Variants in STK39 observed in about 807,000 individuals in gnomAD.
STK39 encodes the protein serine/threonine kinase 39, also known as STE20/SPS1-related proline-alanine-rich protein kinase.
In STK39, 20 loss-of-function variants were observed where a neutral mutation model predicts 77.8. The observed-to-expected ratio is 0.26, with a 90% confidence interval of 0.18 to 0.37. STK39 has a LOEUF of 0.37. Ranked by LOEUF, STK39 falls within the 10% of genes least tolerant of loss-of-function variation. The probability of loss-of-function intolerance (pLI) is 1.00; values close to 1 mark genes in which losing one functional copy is unlikely to be tolerated. For missense variants in STK39, 479 were observed against 656.5 expected, an observed-to-expected ratio of 0.73 and a Z score of 2.95; for synonymous variants, 246 against 234.1, an observed-to-expected ratio of 1.05 and a Z score of -0.47.
intron 1 of STK39, among the ~76,000 whole-genome samples, chr2:168,231,534 T>C (rs1690455407): frequency 6.6e-6 from 1 of 151,880 alleles, no homozygotes; most frequent in South Asian, 2.1e-4. Context: ...CCAGAGCTGC[T>C]GCAAGAACAT....
At position 168,010,951 on chromosome 2, in the gene STK39, A is replaced by G. The variant is rs115745996; in HGVS notation, c.1498+1683T>C. On this transcript the variant is annotated intron_variant, in intron 16 of 17. Transcript: ENST00000355999. Reference sequence around the variant, plus strand: ...AAACTCCCTCTCAGTCATATACTCTAGCATTATTGGGGAAGGACTTATTTT... The same window carrying G: ...AAACTCCCTCTCAGTCATATACTCTGGCATTATTGGGGAAGGACTTATTTT... 7.4e-3 allele frequency among the ~76,000 whole-genome samples: 1,128 copies of G among 152,286 alleles called. 20 individuals are homozygous for G. The highest frequency in any genetic ancestry group is 0.026 in the African/African-American group (1,079 of 41,544).
intron 10 of STK39, among the ~76,000 whole-genome samples, chr2:168,082,466 T>A (rs1686259740): frequency 6.6e-6 from 1 of 152,240 alleles, no homozygotes; most frequent in Non-Finnish European, 1.5e-5. Context: ...AATGACTTCC[T>A]AATAGTGTAA....
chr2:167,982,873 C>G (rs1015688582), intron 16 of STK39, among the ~76,000 whole-genome samples: 4 of 152,104 alleles, frequency 2.6e-5, no homozygotes, highest in African/African-American at 7.2e-5. Flanking sequence ...TGTTACTCAC[C>G]CCATCTCACA....
intron 16 of STK39, among the ~76,000 whole-genome samples, chr2:167,993,669 G>A (rs968116812): frequency 2.0e-5 from 3 of 152,124 alleles, no homozygotes; most frequent in Non-Finnish European, 4.4e-5. Flanking sequence ...CAGTATGTGA[G>A]CTAAAGTCCT....
chr2:168,171,844 G>C lies in STK39; in HGVS notation c.322-4437C>G, dbSNP rs1255955271. Among the ~76,000 whole-genome samples, 173 of 108,578 alleles carry C rather than the reference G, an allele frequency of 1.6e-3. 1 individual carries two copies. The highest frequency in any genetic ancestry group is 6.7e-3 in the African/African-American group (159 of 23,720). The allele number at this position is 108,578 out of a possible 152,430, so 71.2% of individuals were successfully genotyped here. On this transcript the variant is annotated intron_variant, in intron 2 of 17. Coordinates refer to ENST00000355999, the MANE Select transcript of STK39 (RefSeq NM_013233.3). ...TTGCTATATGGCCTTTCATTTCCAC[G>C]CCCCCCCCACTCCCCCCTCCCCCCC...
chr2:168,221,189 G>A (rs544526101), intron 1 of STK39, among the ~76,000 whole-genome samples: 8 of 152,270 alleles, frequency 5.3e-5, no homozygotes, highest in Admixed American at 1.3e-4. Flanking sequence ...GTCATTTGTC[G>A]AGTTCTTAGA....
chr2:167,962,600 T>G (rs1340404878), intron 17 of STK39, among the ~76,000 whole-genome samples: 1 of 152,186 alleles, frequency 6.6e-6, no homozygotes. Context: ...AACACGGACT[T>G]GTTTCCAAAA....
At position 168,084,463 on chromosome 2, in the gene STK39, G is replaced by T. The variant is rs562689678; in HGVS notation, c.1090-9232C>A. Among the ~76,000 whole-genome samples, 3 of 152,294 alleles carry T rather than the reference G, an allele frequency of 2.0e-5. No individual in the cohort carries two copies. The South Asian group carries it at 6.2e-4, about 32-fold the overall frequency. ...ACACATAGCAACAGTGCGAGATAAT[G>T]AAATGACTGTTGTTTTAAGAAGGTT... is the stretch of plus-strand genomic sequence containing the variant. On this transcript the variant is annotated intron_variant, in intron 10 of 17. Coordinates refer to ENST00000355999, the MANE Select transcript of STK39 (RefSeq NM_013233.3).
chr2:168,116,980 G>T (rs1364913563), intron 10 of STK39, among the ~76,000 whole-genome samples: 1 of 152,222 alleles, frequency 6.6e-6, no homozygotes, highest in Admixed American at 6.5e-5. Context: ...ACAGGAAAAC[G>T]TATGTGCATC....
At chr2:168,149,504 T>C (rs1027865567) in intron 5 of STK39, among the ~76,000 whole-genome samples, 5 of 152,230 alleles carry the variant, frequency 3.3e-5, no homozygotes, top group African/African-American at 1.2e-4. Context: ...GTGAGATAAT[T>C]AACGTTTCTG....
intron 16 of STK39, among the ~76,000 whole-genome samples, chr2:167,966,598 C>T (rs1482545864): frequency 2.0e-5 from 3 of 152,112 alleles, no homozygotes; most frequent in Non-Finnish European, 2.9e-5. Flanking sequence ...TAATTCACAA[C>T]CCTCTCTCCG....
intron 10 of STK39, among the ~76,000 whole-genome samples, chr2:168,099,092 T>G (rs1686751151): frequency 6.6e-6 from 1 of 152,218 alleles, no homozygotes; most frequent in African/African-American, 2.4e-5. Context: ...TCCAGCCATG[T>G]GAGTGGCAAG....
chr2:168,212,029 A>C (rs1689903735), intron 1 of STK39, among the ~76,000 whole-genome samples: 2 of 152,242 alleles, frequency 1.3e-5, no homozygotes, highest in African/African-American at 4.8e-5. Context: ...ATCTCAGTTG[A>C]AACTAATACC....
intron 3 of STK39, among the ~76,000 whole-genome samples, chr2:168,166,854 G>A (rs145701416): frequency 6.6e-6 from 1 of 152,268 alleles, no homozygotes; most frequent in East Asian, 1.9e-4. Context: ...TTAAGGACCT[G>A]AACAATGTTA....
chr2:167,975,303 G>A (rs1683245492), intron 16 of STK39, among the ~76,000 whole-genome samples: 1 of 152,022 alleles, frequency 6.6e-6, no homozygotes, highest in Admixed American at 6.5e-5. Flanking sequence ...TTTCAAGGAT[G>A]AGAGTCTAGG....
Position 168,163,734 on chromosome 2 carries a change from C to T in STK39, c.572+5G>A. On this transcript the variant is annotated splice_donor_5th_base_variant and intron_variant, in intron 4 of 17. Transcript: ENST00000355999. ...TGAATTTAAACATCTCTGCAGAGGTCATACCTGTGAATCTGACCGTTTCTG... is the reference window on the plus strand; with the variant it reads ...TGAATTTAAACATCTCTGCAGAGGTTATACCTGTGAATCTGACCGTTTCTG... 1 of 1,613,880 alleles carries T rather than the reference C, an allele frequency of 6.2e-7. No individual in the cohort carries two copies. Among genetic ancestry groups the T allele is most frequent in the Middle Eastern group, 1.7e-4 (1 of 6,052 alleles).
chr2:167,954,177 T>A lies in STK39; in HGVS notation c.*1319A>T, dbSNP rs1244990818. The A allele has an allele frequency of 6.6e-6, 1 of 152,620 alleles. No homozygotes were observed. The highest frequency in any genetic ancestry group is 1.5e-5 in the Non-Finnish European group (1 of 68,026). 9.5% of individuals were successfully genotyped at this position (152,620 alleles called of 1,614,324 possible). ...ATGACAAGGCAATTATAAATAACTTTTTTTCCTTAGTAATATATATTTGCT... is the reference window on the plus strand; with the variant it reads ...ATGACAAGGCAATTATAAATAACTTATTTTCCTTAGTAATATATATTTGCT... On this transcript the variant is annotated 3_prime_UTR_variant, in exon 18 of 18. Transcript: ENST00000355999.
chr2:167,983,252 G>T (rs943793577), intron 16 of STK39, among the ~76,000 whole-genome samples: 4 of 151,994 alleles, frequency 2.6e-5, no homozygotes, highest in Non-Finnish European at 5.9e-5. Context: ...GGCTGAGGCG[G>T]GTGGATCACC....
chr2:168,213,402 C>T lies in STK39; in HGVS notation c.209-31312G>A, dbSNP rs536970791. Among the ~76,000 whole-genome samples, 68 of 152,274 alleles carry T rather than the reference C, an allele frequency of 4.5e-4. 1 individual carries two copies. The South Asian group carries it at 9.7e-3, about 22-fold the overall frequency. On this transcript the variant is annotated intron_variant, in intron 1 of 17. Transcript: ENST00000355999. ...TAGATAAAAAGATGTTCACAGTATA[C>T]TATAAACTTTCTATTACAAAACTTC...
Sources: gnomAD v4.1 joint callset for allele counts (sites outside exome capture counted in the v4.1 genomes callset) on GRCh38, gnomAD v4.1.1 for gene constraint, MANE v1.5 for transcripts, NCBI Gene and HGNC (gene_info 2026-07-23, HGNC 2026-07-21) for gene names.